Variants in MDGA2 observed in about 807,000 individuals in gnomAD.
MDGA2 encodes the protein MAM domain-containing glycosylphosphatidylinositol anchor protein 2.
MDGA2 carries 40 observed loss-of-function variants against 117.8 expected under a neutral mutation model. The ratio of observed to expected loss-of-function variants is 0.34; its 90% CI spans 0.26 to 0.44. MDGA2 has a LOEUF of 0.44. Ranked by LOEUF, MDGA2 falls within the 20% of genes least tolerant of loss-of-function variation. The pLI is 1.00. For missense variants in MDGA2, 1,123 were observed against 1,250.6 expected, an observed-to-expected ratio of 0.90 and a Z score of 1.54; for synonymous variants, 452 against 439.0, an observed-to-expected ratio of 1.03 and a Z score of -0.37.
intron 8 of MDGA2, among the ~76,000 whole-genome samples, chr14:47,033,334 C>CAG (rs59286997): frequency 0.86 from 130,425 of 152,058 alleles, 56,034 homozygotes; most frequent in East Asian, 0.97. Context: ...TTACTAGTAT[C>CAG]AGCTTCTGCA....
chr14:47,036,269 C>CT (rs1888848598), intron 7 of MDGA2, among the ~76,000 whole-genome samples: 1 of 54,090 alleles, frequency 1.8e-5, no homozygotes. Context: ...GACTCTGTCT[C>CT]CAAAAAAAAA....
At chr14:47,188,742 AAC>A (rs1392362494) in intron 3 of MDGA2, among the ~76,000 whole-genome samples, 1 of 152,166 alleles carries the variant, frequency 6.6e-6, no homozygotes, top group South Asian at 2.1e-4. Context: ...ACAAAAATGA[AAC>A]AGTCTTGACA....
intron 1 of MDGA2, among the ~76,000 whole-genome samples, chr14:47,322,990 TA>T (rs1262472252): frequency 6.6e-6 from 1 of 151,702 alleles, no homozygotes; most frequent in Non-Finnish European, 1.5e-5. Context: ...GTAGTTGCCA[TA>T]CATAATGAAG....
chr14:47,358,702 C>T (rs1651310290), intron 1 of MDGA2, among the ~76,000 whole-genome samples: 1 of 152,088 alleles, frequency 6.6e-6, no homozygotes, highest in Admixed American at 6.6e-5. Context: ...AGAAAACAAT[C>T]CCATTTATGA....
chr14:47,379,547 G>GA (rs1263814654), intron 1 of MDGA2, among the ~76,000 whole-genome samples: 3 of 151,248 alleles, frequency 2.0e-5, no homozygotes, highest in Non-Finnish European at 4.4e-5. Context: ...ATGGAAAACA[G>GA]AAAATAAAAA....
At chr14:47,267,355 T>A (rs899758190) in intron 2 of MDGA2, among the ~76,000 whole-genome samples, 3 of 152,326 alleles carry the variant, frequency 2.0e-5, no homozygotes, top group East Asian at 1.9e-4. Context: ...GATTTTAAAT[T>A]CCATTAAAAT....
intron 1 of MDGA2, among the ~76,000 whole-genome samples, chr14:47,304,606 A>G (rs1313883200): frequency 1.3e-5 from 2 of 152,138 alleles, no homozygotes; most frequent in Non-Finnish European, 2.9e-5. Flanking sequence ...TGCCAAATCC[A>G]TGACATTTCA....
chr14:47,438,449 T>C (rs1892939742), intron 1 of MDGA2, among the ~76,000 whole-genome samples: 1 of 152,184 alleles, frequency 6.6e-6, no homozygotes, highest in Non-Finnish European at 1.5e-5. Context: ...CTGGTTTACA[T>C]ACGTGAGAAA....
At chr14:47,501,970 A>G (rs1039856154) in intron 1 of MDGA2, among the ~76,000 whole-genome samples, 2 of 152,218 alleles carry the variant, frequency 1.3e-5, no homozygotes, top group African/African-American at 4.8e-5. Flanking sequence ...ATGAAATAAC[A>G]TGTGCAAGAT....
intron 3 of MDGA2, among the ~76,000 whole-genome samples, chr14:47,178,803 C>T (rs1458174311): frequency 6.6e-6 from 1 of 152,092 alleles, no homozygotes; most frequent in Non-Finnish European, 1.5e-5. Flanking sequence ...GCAACAAATT[C>T]TGCCTGAAGG....
chr14:46,989,433 T>C (rs1470308896), intron 8 of MDGA2, among the ~76,000 whole-genome samples: 1 of 152,102 alleles, frequency 6.6e-6, no homozygotes, highest in Non-Finnish European at 1.5e-5. Context: ...AGTGGAAAGC[T>C]CATAATTTTT....
At chr14:47,029,587 T>G (rs1888588389) in intron 8 of MDGA2, among the ~76,000 whole-genome samples, 1 of 152,140 alleles carries the variant, frequency 6.6e-6, no homozygotes, top group Admixed American at 6.6e-5. Flanking sequence ...CAATGCAATA[T>G]ATTCTCCAGT....
chr14:46,914,704 A>G (rs931711599), intron 10 of MDGA2, among the ~76,000 whole-genome samples: 9 of 152,236 alleles, frequency 5.9e-5, no homozygotes, highest in African/African-American at 2.2e-4. Flanking sequence ...GGTCTTAGGA[A>G]GTGAATCTGC....
intron 1 of MDGA2, among the ~76,000 whole-genome samples, chr14:47,493,087 T>C (rs79336744): frequency 6.8e-4 from 104 of 152,024 alleles, no homozygotes; most frequent in African/African-American, 2.3e-3. Context: ...ATAGGTATCA[T>C]GAATGTGGCT....
intron 1 of MDGA2, among the ~76,000 whole-genome samples, chr14:47,544,189 T>C (rs1175057897): frequency 1.3e-5 from 2 of 152,156 alleles, no homozygotes; most frequent in Non-Finnish European, 2.9e-5. Context: ...ATAACTGTTA[T>C]TAAAAGTCAA....
rs139302285 is a variant in MDGA2 at position 46,873,669 on chromosome 14, T to C, written c.2594-78A>G. The C allele has an allele frequency of 2.6e-4, 331 of 1,295,098 alleles. 4 individuals carry two copies. In the African/African-American group the frequency reaches 4.0e-3, roughly 16 times the overall value. 80.2% of individuals were successfully genotyped at this position (1,295,098 alleles called of 1,614,324 possible). A position where few individuals can be genotyped will look rare whatever the true frequency, so the allele number is the denominator to read the frequency against. On this transcript the variant is annotated intron_variant, in intron 13 of 16. Transcript: ENST00000399232. ...AATTTCAAATCACTGAGAAGTCTTA[T>C]AGTTTTCATACAAAATAAAGATGGA...
rs149430844 is a variant in MDGA2, at chr14:47,204,278, T to C, written c.595+13743A>G. ...AAGCTGAATGGAAATGGACTTACCA[T>C]GGAGAGAAAATTAAGCAGCAACAAT... is the stretch of plus-strand genomic sequence containing the variant. On this transcript the variant is annotated intron_variant, in intron 3 of 16. Coordinates refer to ENST00000399232, the MANE Select transcript of MDGA2 (RefSeq NM_001113498.3). 2.9e-3 allele frequency among the ~76,000 whole-genome samples: 438 copies of C among 152,092 alleles called. 7 individuals are homozygous for C. The highest frequency in any genetic ancestry group is 0.01 in the African/African-American group (416 of 41,546).
chr14:46,913,480 C>T (rs887035174), intron 10 of MDGA2, among the ~76,000 whole-genome samples: 1 of 113,264 alleles, frequency 8.8e-6, no homozygotes, highest in African/African-American at 3.0e-5. Flanking sequence ...AAAAATTATT[C>T]ACTAAAATAA....
chr14:47,116,301 T>A (rs1234057897), intron 5 of MDGA2, among the ~76,000 whole-genome samples: 1 of 152,132 alleles, frequency 6.6e-6, no homozygotes, highest in Non-Finnish European at 1.5e-5. Flanking sequence ...ATTTTATGGA[T>A]TGGAAGACTT....
Sources: allele counts gnomAD v4.1 joint callset (sites outside exome capture counted in the v4.1 genomes callset), GRCh38; gene constraint gnomAD v4.1.1; transcripts MANE v1.5; gene names NCBI Gene and HGNC (gene_info 2026-07-23, HGNC 2026-07-21).